Variants in WWOX observed in about 807,000 individuals in gnomAD.
The protein encoded by WWOX is WW domain containing oxidoreductase.
Under a neutral mutation model 46.2 loss-of-function variants are expected in WWOX, and 69 were observed. The ratio of observed to expected loss-of-function variants is 1.49; its 90% CI spans 1.23 to 1.82. The LOEUF (loss-of-function observed/expected upper bound fraction) is 1.82, where lower values mean the gene tolerates loss of function less well. Among genes scored for constraint, WWOX ranks in the 40% most tolerant of loss-of-function variants. The probability of loss-of-function intolerance (pLI) is 0.00; values close to 1 mark genes in which losing one functional copy is unlikely to be tolerated. For missense variants in WWOX, 919 were observed against 542.6 expected (o/e 1.69, Z -6.89); for synonymous variants, 359 against 202.6 (o/e 1.77, Z -6.56).
intron 8 of WWOX, among the ~76,000 whole-genome samples, chr16:79,012,489 C>G (rs970885755): frequency 6.6e-6 from 1 of 152,130 alleles, no homozygotes; most frequent in Non-Finnish European, 1.5e-5. Flanking sequence ...CCCACCTTAG[C>G]CTCCTAAAGT....
chr16:78,533,283 C>T (rs1023557699), intron 8 of WWOX, among the ~76,000 whole-genome samples: 4 of 152,034 alleles, frequency 2.6e-5, no homozygotes, highest in African/African-American at 9.7e-5. Context: ...TGGCTCATGC[C>T]TGTAATCCCA....
Position 78,698,364 on chromosome 16 carries a change from C to G in WWOX, c.1056+265612C>G, listed in dbSNP as rs774002541. On this transcript the variant is annotated intron_variant, in intron 8 of 8. Transcript: ENST00000566780. ...TGGGATTTTTGGGGTATCTTCCAGC[C>G]TTTGTGAGCACAGAGGTTTCGCTAC... 9.2e-5 allele frequency among the ~76,000 whole-genome samples: 14 copies of G among 152,288 alleles called. 1 individual carries two copies. The highest frequency in any genetic ancestry group is 6.5e-4 in the Admixed American group (10 of 15,292).
At chr16:78,547,829 A>G (rs2044077876) in intron 8 of WWOX, among the ~76,000 whole-genome samples, 1 of 151,846 alleles carries the variant, frequency 6.6e-6, no homozygotes, top group Admixed American at 6.6e-5. Flanking sequence ...CAAAGGCCCT[A>G]CCTCCTAATA....
intron 8 of WWOX, among the ~76,000 whole-genome samples, chr16:78,973,297 T>C (rs922542227): frequency 2.0e-5 from 3 of 152,158 alleles, no homozygotes; most frequent in African/African-American, 7.2e-5. Context: ...CATCCTGGCG[T>C]TTGGGTACTT....
intron 8 of WWOX, among the ~76,000 whole-genome samples, chr16:78,635,552 A>C (rs1223549364): frequency 2.6e-5 from 4 of 152,148 alleles, no homozygotes; most frequent in Admixed American, 1.3e-4. Flanking sequence ...CAAGTTGCTC[A>C]TCCTCTCTGC....
chr16:78,907,794 G>C (rs2045004486), intron 8 of WWOX, among the ~76,000 whole-genome samples: 1 of 152,114 alleles, frequency 6.6e-6, no homozygotes, highest in East Asian at 1.9e-4. Context: ...AAATGTAATG[G>C]AGCCAGTCCT....
intron 6 of WWOX, among the ~76,000 whole-genome samples, chr16:78,408,882 G>C (rs180972204): frequency 1.1e-4 from 16 of 152,194 alleles, no homozygotes; most frequent in Non-Finnish European, 2.1e-4. Context: ...AGGAAGGTGG[G>C]TAAGCCCTGG....
chr16:78,560,285 A>G (rs1323409050), intron 8 of WWOX, among the ~76,000 whole-genome samples: 1 of 152,212 alleles, frequency 6.6e-6, no homozygotes, highest in African/African-American at 2.4e-5. Context: ...ACGGCAGAGA[A>G]AAACAATTAC....
chr16:78,976,356 G>T (rs369887637), intron 8 of WWOX, among the ~76,000 whole-genome samples: 3 of 152,202 alleles, frequency 2.0e-5, no homozygotes, highest in East Asian at 3.9e-4. Flanking sequence ...TGGTACCTCA[G>T]GTCCTCGCTC....
intron 8 of WWOX, among the ~76,000 whole-genome samples, chr16:78,542,658 T>C (rs538355176): frequency 1.3e-5 from 2 of 152,198 alleles, no homozygotes; most frequent in Non-Finnish European, 2.9e-5. Context: ...TGTGCTCAAC[T>C]GTGATTTTAT....
At chr16:79,022,972 T>G (rs2047564736) in intron 8 of WWOX, among the ~76,000 whole-genome samples, 1 of 152,138 alleles carries the variant, frequency 6.6e-6, no homozygotes, top group South Asian at 2.1e-4. Context: ...TGGGGAGGAT[T>G]AAATAAGATA....
Position 78,951,695 on chromosome 16 carries a change from C to A in WWOX, c.1057-259913C>A, listed in dbSNP as rs573345023. Among the ~76,000 whole-genome samples, 3 of 152,262 alleles carry A rather than the reference C, an allele frequency of 2.0e-5. No homozygotes were observed. The East Asian group carries it at 5.8e-4, about 29-fold the overall frequency. ...TGGAATTCAGGACTGCGGTTCTACC[C>A]AGTACCGGGGAACCAGGTGAGGGGG... is the stretch of plus-strand genomic sequence containing the variant. On this transcript the variant is annotated intron_variant, in intron 8 of 8. Transcript: ENST00000566780.
intron 5 of WWOX, among the ~76,000 whole-genome samples, chr16:78,322,203 C>T (rs763219130): frequency 1.1e-4 from 16 of 152,022 alleles, no homozygotes; most frequent in Non-Finnish European, 1.9e-4. Context: ...AGCAAATGAG[C>T]CAAAATCCAT....
At chr16:78,661,414 C>G (rs1227430018) in intron 8 of WWOX, among the ~76,000 whole-genome samples, 1 of 151,924 alleles carries the variant, frequency 6.6e-6, no homozygotes, top group African/African-American at 2.4e-5. Flanking sequence ...TTTTTTTTTC[C>G]CCTTTCAATA....
At chr16:79,207,915 T>A (rs2051573548) in intron 8 of WWOX, among the ~76,000 whole-genome samples, 1 of 152,236 alleles carries the variant, frequency 6.6e-6, no homozygotes, top group Admixed American at 6.5e-5. Context: ...CAAATGAATG[T>A]TGATGAAAAG....
chr16:78,695,420 T>C (rs1215261995), intron 8 of WWOX, among the ~76,000 whole-genome samples: 1 of 152,192 alleles, frequency 6.6e-6, no homozygotes, highest in Non-Finnish European at 1.5e-5. Context: ...GTCTCTTTTC[T>C]GTGATTCGGG....
At chr16:78,947,379 C>G (rs1010383645) in intron 8 of WWOX, among the ~76,000 whole-genome samples, 1 of 152,244 alleles carries the variant, frequency 6.6e-6, no homozygotes, top group East Asian at 1.9e-4. Context: ...TCTCTTCCCC[C>G]CCTTAGCTGT....
intron 8 of WWOX, among the ~76,000 whole-genome samples, chr16:78,853,415 G>GT (rs1046917250): frequency 1.3e-5 from 2 of 152,020 alleles, no homozygotes; most frequent in African/African-American, 4.8e-5. Context: ...GTTTTGCCAC[G>GT]TTAACCAGGC....
At chr16:78,752,726 T>A (rs1014797870) in intron 8 of WWOX, among the ~76,000 whole-genome samples, 1 of 152,188 alleles carries the variant, frequency 6.6e-6, no homozygotes, top group Admixed American at 6.5e-5. Flanking sequence ...TGCTAATGAG[T>A]TTATATGCCC....
Sources: allele counts gnomAD v4.1 joint callset (sites outside exome capture counted in the v4.1 genomes callset), GRCh38; gene constraint gnomAD v4.1.1; transcripts MANE v1.5; gene names NCBI Gene and HGNC (gene_info 2026-07-23, HGNC 2026-07-21).